Variants in NUBP1 observed in about 807,000 individuals in gnomAD.
The protein encoded by NUBP1 is cytosolic Fe-S cluster assembly factor NUBP1.
NUBP1 carries 46 observed loss-of-function variants against 41.8 expected under a neutral mutation model. The observed-to-expected ratio is 1.10, with a 90% CI of 0.87 to 1.41. The LOEUF is 1.41. Among genes scored for constraint, NUBP1 ranks in the 40% most tolerant of loss-of-function variants. The probability of loss-of-function intolerance (pLI) is 0.00; values close to 1 mark genes in which losing one functional copy is unlikely to be tolerated. For synonymous variants in NUBP1, 189 were observed against 154.6 expected, an observed-to-expected ratio of 1.22 and a Z score of -1.65; for missense variants, 494 against 414.0, an observed-to-expected ratio of 1.19 and a Z score of -1.68.
chr16:10,752,616 C>A lies in NUBP1; in HGVS notation c.265C>A (p.Leu89Ile). 6.2e-7 allele frequency: 1 copy of A among 1,613,500 alleles called. No homozygotes were observed. The highest frequency in any genetic ancestry group is 1.1e-5 in the South Asian group (1 of 91,052). The change falls in exon 4 of 11, where the codon CTT (leucine) becomes ATT (isoleucine). Residue 89 changes from leucine (L) to isoleucine (I), a missense_variant. Transcript: ENST00000283027. ...GGTCTCTTCTTGTCCCCAGATTGCT[C>A]TTCTAGACATCGATATATGTGGGCC... ...LAEDENTQIA[L>I]LDIDICGPSI... is the part of the protein sequence containing the mutation.
chr16:10,760,732 C>G (rs547579186), intron 7 of NUBP1, among the ~76,000 whole-genome samples: 58 of 151,448 alleles, frequency 3.8e-4, no homozygotes, highest in African/African-American at 1.3e-3. Context: ...GAGATCCTGT[C>G]TCTAAAAAAA....
At chr16:10,763,984 G>A (rs149302290) in intron 9 of NUBP1, 35 of 192,354 alleles carry the variant, frequency 1.8e-4, no homozygotes, top group African/African-American at 5.5e-4. Context: ...GGCCACGGGA[G>A]CATCCCAACT....
Position 10,749,628 on chromosome 16 carries a change from G to A in NUBP1, c.258+2352G>A, listed in dbSNP as rs566397942. Among the ~76,000 whole-genome samples, 7 of 152,284 alleles carry A rather than the reference G, an allele frequency of 4.6e-5. No individual in the cohort carries two copies. Among genetic ancestry groups the A allele is most frequent in the African/African-American group, 1.7e-4 (7 of 41,554 alleles). ...ACTATCTGCAAAGTGTCAACACATG[G>A]AAAATGCTGAATATGTCTTGATTAA... On this transcript the variant is annotated intron_variant, in intron 3 of 10. Transcript: ENST00000283027. The surrounding 1 kb of genome is among the most constrained non-coding windows in gnomAD (Gnocchi z 4.1).
intron 2 of NUBP1, among the ~76,000 whole-genome samples, chr16:10,744,613 G>A (rs1899976937): frequency 6.6e-6 from 1 of 152,196 alleles, no homozygotes. Flanking sequence ...TAGCTTTACT[G>A]GGGAAACAAA....
At chr16:10,745,971 G>T (rs943467181) in intron 2 of NUBP1, among the ~76,000 whole-genome samples, 14 of 152,182 alleles carry the variant, frequency 9.2e-5, no homozygotes, top group South Asian at 6.2e-4. Context: ...CTTGTTTATG[G>T]GAGGATACTC....
intron 2 of NUBP1, among the ~76,000 whole-genome samples, chr16:10,744,533 G>T (rs1194822187): frequency 6.6e-6 from 1 of 151,956 alleles, no homozygotes; most frequent in Non-Finnish European, 1.5e-5. Flanking sequence ...TGTGTTGATC[G>T]CCTCGTAGGT....
intron 9 of NUBP1, among the ~76,000 whole-genome samples, chr16:10,764,539 TG>T (rs1259788375): frequency 6.7e-6 from 1 of 149,084 alleles, no homozygotes; most frequent in African/African-American, 2.5e-5. Flanking sequence ...CTCATTCTGC[TG>T]GAGTATTTGT....
chr16:10,744,094 A>G (rs913201689), intron 2 of NUBP1, 29 bp downstream of exon 2: 6 of 1,517,458 alleles, frequency 4.0e-6, no homozygotes, highest in Non-Finnish European at 5.3e-6. Context: ...CTCAACAGGA[A>G]CTTAGAGGCG....
Position 10,769,064 on chromosome 16 carries a change from A to C in NUBP1, c.922A>C (p.Asn308His). 6.2e-7 allele frequency: 1 copy of C among 1,614,092 alleles called. No homozygotes were observed. Among genetic ancestry groups the C allele is most frequent in the Non-Finnish European group, 8.5e-7 (1 of 1,180,004 alleles). Residue 308 changes from asparagine (N) to histidine (H), a missense_variant, in exon 11 of 11, where the codon AAT becomes CAT. Physicochemically the swap from Asn to His is moderately conservative, Grantham distance 68. Transcript: ENST00000283027. ...SIIQRIQEFC[N>H]LHQSKEENLI... ...TTTTCCAGGAATCCAAGAGTTTTGTAATCTCCATCAGTCAAAAGAAGAGAA... is the reference window on the plus strand; with the variant it reads ...TTTTCCAGGAATCCAAGAGTTTTGTCATCTCCATCAGTCAAAAGAAGAGAA...
chr16:10,746,492 A>G (rs906719032), intron 2 of NUBP1, among the ~76,000 whole-genome samples: 17 of 152,174 alleles, frequency 1.1e-4, no homozygotes, highest in African/African-American at 3.9e-4. Context: ...TGTAATTCCA[A>G]CACTTTGGGA....
Position 10,743,857 on chromosome 16 carries a change from C to G in NUBP1, c.-7C>G, listed in dbSNP as rs769371362. The G allele has an allele frequency of 2.6e-6, 4 of 1,562,372 alleles. No individual in the cohort carries two copies. In the African/African-American group the frequency reaches 5.4e-5, roughly 21 times the overall value. On this transcript the variant is annotated 5_prime_UTR_variant, in exon 1 of 11. Transcript: ENST00000283027. ...CCGGTGACCACGAAGGCGGCAAAGG[C>G]GACGGAATGGAGGAGGTGCCTCACG...
chr16:10,744,172 C>A, intron 2 of NUBP1, 107 bp downstream of exon 2: 11 of 1,080,782 alleles, frequency 1.0e-5, no homozygotes, highest in Non-Finnish European at 1.4e-5. Context: ...CAGCGGCAGG[C>A]TAGAAGGTAT....
intron 1 of NUBP1, 26 bp downstream of exon 1, chr16:10,743,908 C>T: frequency 6.4e-7 from 1 of 1,572,210 alleles, no homozygotes; most frequent in South Asian, 1.2e-5. Context: ...GGGCGTGGGT[C>T]GCGGGGCGAA....
At chr16:10,756,511 C>T (rs924389427) in intron 5 of NUBP1, among the ~76,000 whole-genome samples, 179 bp from the exon 6 acceptor site, 2 of 146,136 alleles carry the variant, frequency 1.4e-5, no homozygotes, top group African/African-American at 5.0e-5. Context: ...ACATGGTACC[C>T]TTTTTTTTTT....
At position 10,761,429 on chromosome 16, in the gene NUBP1, C is replaced by T. The variant is rs138217163; in HGVS notation, c.672C>T (p.Ile224=). The change falls in exon 8 of 11, where the codon ATC becomes ATT. Residue 224 remains isoleucine, a synonymous_variant. Coordinates refer to ENST00000283027, the MANE Select transcript of NUBP1 (RefSeq NM_002484.4). ...GCCGCAAGGTGAAGCTGCCCATCAT[C>T]GGGGTGGTGGAGAACATGAGTGGCT... ...NFCRKVKLPI[I]GVVENMSGFI... 109 of 1,614,124 alleles carry T rather than the reference C, an allele frequency of 6.8e-5. No individual in the cohort carries two copies. In the East Asian group the frequency reaches 2.0e-3, roughly 29 times the overall value.
At chr16:10,748,079 T>TACCTGGGACTACAGGTGCTTGC (rs1900144534) in intron 3 of NUBP1, among the ~76,000 whole-genome samples, 1 of 152,148 alleles carries the variant, frequency 6.6e-6, no homozygotes. Context: ...GCCTCTCAAG[T>TACCTGGGACTACAGGTGCTTGC]ACCTGGGACT....
intron 4 of NUBP1, 43 bp downstream of exon 4, chr16:10,752,721 C>A (rs761496305): frequency 6.6e-7 from 1 of 1,518,334 alleles, no homozygotes; most frequent in Non-Finnish European, 9.1e-7. Context: ...TCTCTTAAGG[C>A]AAACTCTGTA....
Position 10,747,296 on chromosome 16 carries a change from T to C in NUBP1, c.258+20T>C, listed in dbSNP as rs1469720210. ...ACACAGGTGAGACCTCAGGAACCAC[T>C]GGGAGATGCTCATTTTGTCTGAGGG... is the stretch of plus-strand genomic sequence containing the variant. On this transcript the variant is annotated intron_variant, in intron 3 of 10. Coordinates refer to ENST00000283027, the MANE Select transcript of NUBP1 (RefSeq NM_002484.4). 6 of 1,610,792 alleles carry C rather than the reference T, an allele frequency of 3.7e-6. No individual in the cohort carries two copies. The highest frequency in any genetic ancestry group is 4.2e-6 in the Non-Finnish European group (5 of 1,178,914).
chr16:10,747,363 G>A, intron 3 of NUBP1, 87 bp downstream of exon 3: 2 of 1,547,344 alleles, frequency 1.3e-6, no homozygotes, highest in East Asian at 2.3e-5. Context: ...GCCAGGCGCA[G>A]TGGTTCATGC....
Sources: gnomAD v4.1 joint callset for allele counts (sites outside exome capture counted in the v4.1 genomes callset) on GRCh38, gnomAD v4.1.1 for gene constraint, Gnocchi (gnomAD v3.1) non-coding constraint, MANE v1.5 for transcripts, NCBI Gene and HGNC (gene_info 2026-07-23, HGNC 2026-07-21) for gene names.